MTUS2: variants seen among roughly 807,000 people sequenced by gnomAD.
The protein encoded by MTUS2 is microtubule-associated tumor suppressor candidate 2.
A neutral mutation model predicts 114.1 loss-of-function variants in MTUS2; 40 were observed. That is an observed-to-expected ratio of 0.35 (90% CI 0.27 to 0.46). The LOEUF (loss-of-function observed/expected upper bound fraction) is 0.46. Among genes scored for constraint, MTUS2 ranks in the 20% least tolerant of loss-of-function variants. The pLI is 1.00. For synonymous variants in MTUS2, 688 were observed against 672.0 expected (o/e 1.02, Z -0.37); for missense variants, 1,679 against 1,705.4 (o/e 0.98, Z 0.27).
intron 5 of MTUS2, among the ~76,000 whole-genome samples, chr13:29,127,523 A>T (rs952150019): frequency 6.6e-6 from 1 of 152,158 alleles, no homozygotes; most frequent in Admixed American, 6.5e-5. Context: ...AGAGAAAGAA[A>T]TTGTGCCTCA....
intron 9 of MTUS2, among the ~76,000 whole-genome samples, chr13:29,467,621 G>C (rs1332136267): frequency 6.6e-6 from 1 of 151,890 alleles, no homozygotes; most frequent in Non-Finnish European, 1.5e-5. Context: ...TTCTCACTTG[G>C]ACAGCATTTT....
intron 9 of MTUS2, among the ~76,000 whole-genome samples, chr13:29,445,908 C>CAA (rs904974438): frequency 1.4e-5 from 2 of 138,112 alleles, no homozygotes; most frequent in African/African-American, 2.7e-5. Context: ...ACTCTGTCTC[C>CAA]AAAAAAAAAA....
intron 4 of MTUS2, chr13:29,071,974 CAGCCCATTTCTT>C (rs1888962429): frequency 6.6e-6 from 1 of 152,354 alleles, no homozygotes; most frequent in South Asian, 2.1e-4. Flanking sequence ...CCTCATTTCT[CAGCCCATTTCTT>C]CCTCCATCTT....
chr13:29,097,074 C>G (rs1376287643), intron 4 of MTUS2, among the ~76,000 whole-genome samples: 1 of 152,052 alleles, frequency 6.6e-6, no homozygotes, highest in African/African-American at 2.4e-5. Flanking sequence ...CCTGCCCATC[C>G]CAGGAAGATA....
chr13:29,106,468 T>C (rs1890672345), intron 5 of MTUS2, among the ~76,000 whole-genome samples: 1 of 152,146 alleles, frequency 6.6e-6, no homozygotes, highest in Admixed American at 6.5e-5. Flanking sequence ...TAAGCAATTC[T>C]CTGCCTCAGC....
intron 2 of MTUS2, among the ~76,000 whole-genome samples, chr13:28,935,758 C>T (rs1881869165): frequency 6.6e-6 from 1 of 151,632 alleles, no homozygotes; most frequent in Admixed American, 6.6e-5. Context: ...AGACCAGGCT[C>T]ATTTTTTTTT....
At chr13:29,047,964 G>A (rs570726039) in intron 4 of MTUS2, among the ~76,000 whole-genome samples, 20 of 151,746 alleles carry the variant, frequency 1.3e-4, no homozygotes, top group Admixed American at 2.0e-4. Flanking sequence ...TGTTTTTAAT[G>A]TTCATCCATG....
rs878897598 is a variant in MTUS2 at position 29,318,731 on chromosome 13, T to C, written c.2807-5882T>C. Among the ~76,000 whole-genome samples, 5 of 152,312 alleles carry C rather than the reference T, an allele frequency of 3.3e-5. 1 individual carries two copies. The South Asian group carries it at 8.3e-4, about 25-fold the overall frequency. ...GCTGTTGTCGAAGCCACTGATAGCA[T>C]TGTGGAAGGCCCTTGTCCACGGGAG... On this transcript the variant is annotated intron_variant, in intron 6 of 15. Transcript: ENST00000612955.
At position 29,030,560 on chromosome 13, in the gene MTUS2, C is replaced by T. The variant is rs542158501; in HGVS notation, c.2206-3325C>T. 9.7e-4 allele frequency among the ~76,000 whole-genome samples: 148 copies of T among 152,208 alleles called. 1 individual carries two copies. Among genetic ancestry groups the T allele is most frequent in the African/African-American group, 3.4e-3 (142 of 41,530 alleles). On this transcript the variant is annotated intron_variant, in intron 3 of 15. Coordinates refer to ENST00000612955, the MANE Select transcript of MTUS2 (RefSeq NM_001033602.4). ...ACAGCTATGACATGATGTAACCCAG[C>T]GAGTCCCCCTCTTGTGTTTGAGCTC...
At chr13:29,342,365 A>AC (rs1901445414) in intron 7 of MTUS2, among the ~76,000 whole-genome samples, 1 of 149,920 alleles carries the variant, frequency 6.7e-6, no homozygotes, top group African/African-American at 2.5e-5. Context: ...GAGGTCTTTC[A>AC]CTCCTTAATT....
chr13:28,938,309 A>G (rs1172336455), intron 2 of MTUS2, among the ~76,000 whole-genome samples: 2 of 151,620 alleles, frequency 1.3e-5, no homozygotes, highest in African/African-American at 4.8e-5. Flanking sequence ...TTGAACCCAG[A>G]GGTGGAGGTT....
intron 12 of MTUS2, among the ~76,000 whole-genome samples, chr13:29,495,282 C>T (rs775161163): frequency 4.1e-5 from 6 of 144,912 alleles, no homozygotes; most frequent in East Asian, 2.1e-4. Context: ...CACTTGAACC[C>T]GGCAGGCTTA....
At chr13:29,089,037 C>T (rs1439501124) in intron 4 of MTUS2, among the ~76,000 whole-genome samples, 1 of 152,164 alleles carries the variant, frequency 6.6e-6, no homozygotes, top group Non-Finnish European at 1.5e-5. Context: ...TGCATAGTTA[C>T]TTTATATTGC....
intron 2 of MTUS2, among the ~76,000 whole-genome samples, chr13:28,956,318 G>A (rs915139890): frequency 1.3e-5 from 2 of 151,924 alleles, no homozygotes; most frequent in Admixed American, 1.3e-4. Context: ...CCCCAGCACC[G>A]GGTAGGAGTC....
At chr13:29,331,585 C>T (rs531509700) in intron 7 of MTUS2, among the ~76,000 whole-genome samples, 1 of 152,266 alleles carries the variant, frequency 6.6e-6, no homozygotes, top group East Asian at 1.9e-4. Context: ...CAGTAACCTT[C>T]CAATACTATG....
intron 8 of MTUS2, among the ~76,000 whole-genome samples, chr13:29,412,140 A>G (rs1261601603): frequency 6.6e-6 from 1 of 152,212 alleles, no homozygotes; most frequent in East Asian, 1.9e-4. Context: ...GACAGTAGGA[A>G]TCCTTGCTTT....
At chr13:29,287,098 G>T (rs1052493022) in intron 6 of MTUS2, among the ~76,000 whole-genome samples, 2 of 152,216 alleles carry the variant, frequency 1.3e-5, no homozygotes, top group African/African-American at 4.8e-5. Context: ...AATTATTACA[G>T]ATGCAGCAAG....
rs751174086 is a variant in MTUS2, at chr13:29,026,054, C to A, written c.1356C>A (p.Val452=). 2 of 1,613,932 alleles carry A rather than the reference C, an allele frequency of 1.2e-6. No individual in the cohort carries two copies. Among genetic ancestry groups the A allele is most frequent in the Non-Finnish European group, 8.5e-7 (1 of 1,179,886 alleles). The change falls in exon 3 of 16, where the codon GTC becomes GTA. Residue 452 remains valine (V), a synonymous_variant. Coordinates refer to ENST00000612955, the MANE Select transcript of MTUS2 (RefSeq NM_001033602.4). ...NNLTDSKPLD[V]IEEERRLGSG... is the part of the protein sequence containing the mutation. Reference sequence around the variant, plus strand: ...TGACTGACAGCAAGCCCTTGGATGTCATTGAGGAGGAAAGGCGGTTGGGCA... The same window carrying A: ...TGACTGACAGCAAGCCCTTGGATGTAATTGAGGAGGAAAGGCGGTTGGGCA...
At chr13:28,841,456 G>T (rs1875476875) in intron 2 of MTUS2, among the ~76,000 whole-genome samples, 1 of 152,186 alleles carries the variant, frequency 6.6e-6, no homozygotes, top group Admixed American at 6.5e-5. Context: ...GGAGCGGCCG[G>T]AAGGTTGGTA....
Sources: gnomAD v4.1 joint callset for allele counts (sites outside exome capture counted in the v4.1 genomes callset) on GRCh38, gnomAD v4.1.1 for gene constraint, MANE v1.5 for transcripts, NCBI Gene and HGNC (gene_info 2026-07-23, HGNC 2026-07-21) for gene names.